The following ULK4 variants were observed in gnomAD, a reference collection of about 807,000 sequenced individuals.
ULK4 encodes inactive serine/threonine-protein kinase ULK4.
Under a neutral mutation model 160.6 loss-of-function variants are expected in ULK4, and 133 were observed. That is an observed-to-expected ratio of 0.83 (90% CI 0.72 to 0.96). The LOEUF is 0.96. Among genes scored for constraint, ULK4 ranks in the 40% least tolerant of loss-of-function variants. The pLI, the probability that ULK4 is intolerant of heterozygous loss-of-function variation, is 0.00. For missense variants in ULK4, 1,580 were observed against 1,499.5 expected (o/e 1.05, Z -0.89); for synonymous variants, 534 against 539.8 (o/e 0.99, Z 0.15).
chr3:41,469,161 G>A (rs896412394), intron 32 of ULK4, among the ~76,000 whole-genome samples: 35 of 152,098 alleles, frequency 2.3e-4, no homozygotes, highest in Admixed American at 5.9e-4. Flanking sequence ...AAAGAGCAGA[G>A]GCTCTATCTA....
At chr3:41,908,297 A>G (rs1424920755) in intron 11 of ULK4, among the ~76,000 whole-genome samples, 1 of 152,204 alleles carries the variant, frequency 6.6e-6, no homozygotes, top group Non-Finnish European at 1.5e-5. Flanking sequence ...TAAGTATTTG[A>G]AAAGGAAATT....
intron 35 of ULK4, among the ~76,000 whole-genome samples, chr3:41,377,202 A>T (rs931174999): frequency 2.6e-5 from 4 of 152,198 alleles, no homozygotes; most frequent in Non-Finnish European, 5.9e-5. Flanking sequence ...TCCCTTCCTT[A>T]CACCTTAGAC....
At chr3:41,480,839 A>G (rs2084299581) in intron 32 of ULK4, among the ~76,000 whole-genome samples, 1 of 152,136 alleles carries the variant, frequency 6.6e-6, no homozygotes, top group Non-Finnish European at 1.5e-5. Context: ...GGCAAGGAGA[A>G]GTGCAGAGTG....
intron 14 of ULK4, 23 bp downstream of exon 14, chr3:41,898,409 C>T (rs757889388): frequency 6.8e-6 from 10 of 1,480,636 alleles, no homozygotes; most frequent in East Asian, 2.3e-5. Context: ...TCTACATGTT[C>T]GATAAGTCCT....
At chr3:41,462,501 G>C (rs1394798669) in intron 33 of ULK4, among the ~76,000 whole-genome samples, 2 of 152,192 alleles carry the variant, frequency 1.3e-5, no homozygotes, top group Non-Finnish European at 2.9e-5. Flanking sequence ...CTGCCTTACA[G>C]CATAATGCTA....
At chr3:41,577,870 G>C (rs893750806) in intron 31 of ULK4, among the ~76,000 whole-genome samples, 3 of 152,164 alleles carry the variant, frequency 2.0e-5, no homozygotes, top group Non-Finnish European at 4.4e-5. Flanking sequence ...AGGCCAAGAA[G>C]AGATTCAAGG....
chr3:41,844,264 G>A (rs890130546), intron 17 of ULK4, among the ~76,000 whole-genome samples: 1 of 152,156 alleles, frequency 6.6e-6, no homozygotes, highest in African/African-American at 2.4e-5. Flanking sequence ...AGCCCGCGGA[G>A]GGGGTGGGAG....
At chr3:41,267,018 T>TG (rs757611081) in intron 35 of ULK4, among the ~76,000 whole-genome samples, 11,720 of 67,152 alleles carry the variant, frequency 0.17, 1,416 homozygotes, top group South Asian at 0.27. Flanking sequence ...GTGTCTCTAT[T>TG]GGGGGGGGGG....
intron 27 of ULK4, among the ~76,000 whole-genome samples, chr3:41,701,369 G>GA (rs1398178492): frequency 6.6e-6 from 1 of 152,130 alleles, no homozygotes; most frequent in Non-Finnish European, 1.5e-5. Flanking sequence ...TCCTTCTGAG[G>GA]AAAAACTTGA....
intron 31 of ULK4, among the ~76,000 whole-genome samples, chr3:41,586,679 A>G (rs1301091601): frequency 6.6e-6 from 1 of 152,160 alleles, no homozygotes; most frequent in Non-Finnish European, 1.5e-5. Context: ...AGATACTAAG[A>G]AAAAAATTGG....
intron 31 of ULK4, among the ~76,000 whole-genome samples, chr3:41,579,821 T>C (rs1281065539): frequency 6.6e-6 from 1 of 152,002 alleles, no homozygotes; most frequent in Non-Finnish European, 1.5e-5. Context: ...TAAGAGTGAG[T>C]CAAAAGACCT....
intron 27 of ULK4, among the ~76,000 whole-genome samples, chr3:41,690,952 A>T (rs1205968823): frequency 6.6e-6 from 1 of 151,790 alleles, no homozygotes; most frequent in Non-Finnish European, 1.5e-5. Flanking sequence ...ACATCAGGCA[A>T]CATCAGGTGA....
intron 30 of ULK4, among the ~76,000 whole-genome samples, chr3:41,634,642 A>T (rs1175946519): frequency 6.6e-6 from 1 of 152,214 alleles, no homozygotes; most frequent in Non-Finnish European, 1.5e-5. Context: ...GCTGTGCAGG[A>T]GAGATGCCTC....
chr3:41,644,990 T>G (rs1350694488), intron 30 of ULK4, among the ~76,000 whole-genome samples: 6 of 151,536 alleles, frequency 4.0e-5, no homozygotes, highest in African/African-American at 1.2e-4. Flanking sequence ...TAGAGGTGTT[T>G]GTAGTATTCT....
intron 30 of ULK4, among the ~76,000 whole-genome samples, chr3:41,650,519 CGCACAGCGCTG>C (rs2034697325): frequency 6.6e-6 from 1 of 152,216 alleles, no homozygotes; most frequent in South Asian, 2.1e-4. Context: ...GCCACAGCCT[CGCACAGCGCTG>C]GCACTTGGAG....
intron 32 of ULK4, among the ~76,000 whole-genome samples, chr3:41,497,420 T>C (rs1284018461): frequency 2.6e-5 from 4 of 152,006 alleles, no homozygotes; most frequent in Admixed American, 1.3e-4. Context: ...CATATATCTA[T>C]ATACATAATA....
chr3:41,444,310 T>C (rs7641388), intron 34 of ULK4, among the ~76,000 whole-genome samples: 85,660 of 151,366 alleles, frequency 0.57, 25,458 homozygotes, highest in African/African-American at 0.77. Context: ...TGCTTAATTC[T>C]TTTGACCACT....
chr3:41,897,048 G>T (rs767694139), intron 14 of ULK4, 45 bp from the exon 15 acceptor site: 4 of 1,494,690 alleles, frequency 2.7e-6, no homozygotes, highest in Non-Finnish European at 3.7e-6. Flanking sequence ...ATGAGAAAAA[G>T]AACTGCTGGA....
intron 25 of ULK4, among the ~76,000 whole-genome samples, chr3:41,707,823 G>C (rs1353872018): frequency 2.0e-5 from 3 of 149,004 alleles, no homozygotes; most frequent in African/African-American, 7.6e-5. Flanking sequence ...GCAAGACCTT[G>C]TCTCCAAAAA....
Sources: allele counts gnomAD v4.1 joint callset (sites outside exome capture counted in the v4.1 genomes callset), GRCh38; gene constraint gnomAD v4.1.1; transcripts MANE v1.5; gene names NCBI Gene and HGNC (gene_info 2026-07-23, HGNC 2026-07-21).